The following FAAP20 variants were observed in gnomAD, a reference collection of about 807,000 sequenced individuals.
The protein encoded by FAAP20 is FA core complex associated protein 20.
In FAAP20, 12 loss-of-function variants were observed where a neutral mutation model predicts 16.2. The ratio of observed to expected loss-of-function variants is 0.74; its 90% CI spans 0.48 to 1.20. FAAP20 has a LOEUF of 1.20. Among genes scored for constraint, FAAP20 ranks in the 50% most tolerant of loss-of-function variants. The pLI is 0.00. For missense variants in FAAP20, 288 were observed against 245.8 expected (o/e 1.17, Z -1.15); for synonymous variants, 141 against 110.7 (o/e 1.27, Z -1.72).
chr1:2,196,231 T>C (rs1688817119), upstream of FAAP20, among the ~76,000 whole-genome samples: 2 of 152,162 alleles, frequency 1.3e-5, no homozygotes, highest in Admixed American at 1.3e-4. This position sits in a 1 kb window ranked among gnomAD's most constrained non-coding sequence, Gnocchi z 4.5. Flanking sequence ...CAGGAGGGCC[T>C]TGGGTACTTC....
chr1:2,190,188 G>A (rs753171970), intron 3 of FAAP20: 2 of 471,810 alleles, frequency 4.2e-6, no homozygotes, highest in South Asian at 1.5e-5. Context: ...ACAGGAGGCA[G>A]AAGAGTAAAC....
downstream of FAAP20, among the ~76,000 whole-genome samples, chr1:2,207,965 C>T (rs565855470): frequency 2.0e-5 from 3 of 150,476 alleles, no homozygotes; most frequent in Non-Finnish European, 3.0e-5. Flanking sequence ...TCCGTGCGCG[C>T]GCGCATGCGT....
At chr1:2,198,648 G>A, upstream of FAAP20, 2 of 1,204,870 alleles carry the variant, frequency 1.7e-6, no homozygotes, top group East Asian at 5.8e-5. Context: ...GAGACCTGTG[G>A]CCGACAGGCA....
intron 3 of FAAP20, chr1:2,192,538 CG>C: frequency 2.0e-6 from 2 of 1,006,422 alleles, no homozygotes; most frequent in Non-Finnish European, 2.4e-6. Context: ...CCCCGGGGGG[CG>C]GGGGGCAGCA....
downstream of FAAP20, chr1:2,185,355 G>A (rs746976501): frequency 3.1e-5 from 22 of 718,842 alleles, no homozygotes; most frequent in African/African-American, 8.7e-5. Flanking sequence ...GAAAGTGAGC[G>A]TGTAGCGTCC....
chr1:2,194,503 C>G (rs71511332), intron 1 of FAAP20, among the ~76,000 whole-genome samples, 185 bp downstream of exon 1: 54,799 of 99,102 alleles, frequency 0.55, 12,286 homozygotes, highest in African/African-American at 0.66. Flanking sequence ...GGAAGCTCGG[C>G]GTGGGGTGGG....
chr1:2,194,732 C>A lies in FAAP20; in HGVS notation c.18G>T (p.Arg6Ser). The A allele has an allele frequency of 8.4e-7, 1 of 1,194,554 alleles. No individual in the cohort carries two copies. The highest frequency in any genetic ancestry group is 1.0e-6 in the Non-Finnish European group (1 of 965,876). 74.0% of individuals were successfully genotyped at this position (1,194,554 alleles called of 1,614,324 possible). A position where few individuals can be genotyped will look rare whatever the true frequency, so the allele number is the denominator to read the frequency against. The part of the protein sequence containing the change: MEAAR[R>S]PRLGLSRRRP... ...TCCGGCGGCTCAACCCCAGCCGCGG[C>A]CTCCGCGCCGCCTCCATCCAAGCCC... is the stretch of plus-strand genomic sequence containing the variant. The change falls in exon 1 of 4, where the codon AGG becomes AGT. Residue 6 changes from arginine to serine, a missense_variant. Arg to Ser is a moderately radical substitution (Grantham distance 110). Coordinates refer to ENST00000378546, the MANE Select transcript of FAAP20 (RefSeq NM_182533.4).
At chr1:2,203,749 C>T (rs1569581025), upstream of FAAP20, 9 of 621,582 alleles carry the variant, frequency 1.4e-5, no homozygotes, top group Non-Finnish European at 1.8e-5. Context: ...CAGGGCACCA[C>T]ACTACTTGCC....
downstream of FAAP20, chr1:2,189,455 G>C: frequency 1.8e-6 from 1 of 554,236 alleles, no homozygotes; most frequent in Non-Finnish European, 3.3e-6. Flanking sequence ...CAGGGGAAAG[G>C]GGTCAGCTTC....
At chr1:2,194,587 C>T (rs1318498066) in intron 1 of FAAP20, 101 bp downstream of exon 1, 2 of 563,786 alleles carry the variant, frequency 3.5e-6, no homozygotes, top group Middle Eastern at 6.4e-4. Flanking sequence ...GGGCAGGGAG[C>T]CCTCCCCAGG....
At chr1:2,201,007 T>A, upstream of FAAP20, 1 of 1,262,682 alleles carries the variant, frequency 7.9e-7, no homozygotes, top group Non-Finnish European at 1.0e-6. Context: ...TGTCCTGAGA[T>A]GAGATGCTGC....
At chr1:2,205,005 C>T (rs1421747068) in intron 3 of FAAP20, among the ~76,000 whole-genome samples, 3 of 106,864 alleles carry the variant, frequency 2.8e-5, no homozygotes, top group Non-Finnish European at 6.0e-5. Context: ...CCCCGCCCCT[C>T]CCTCCGGGCT....
chr1:2,187,075 G>A (rs952403157), downstream of FAAP20: 8 of 422,780 alleles, frequency 1.9e-5, no homozygotes, highest in Non-Finnish European at 3.4e-5. Context: ...TGACTTGGGG[G>A]CTGCACAGTG....
chr1:2,191,827 C>T (rs1252646349), intron 3 of FAAP20: 4 of 985,302 alleles, frequency 4.1e-6, no homozygotes, highest in Non-Finnish European at 3.6e-6. Context: ...AACATCCTCA[C>T]CCCTCACCAG....
chr1:2,201,538 A>G (rs2100736921), upstream of FAAP20, among the ~76,000 whole-genome samples: 1 of 152,216 alleles, frequency 6.6e-6, no homozygotes, highest in South Asian at 2.1e-4. Flanking sequence ...CCTGACCAAT[A>G]TGGTAAAACC....
At chr1:2,209,255 T>C (rs1450285251), downstream of FAAP20, among the ~76,000 whole-genome samples, 2 of 151,964 alleles carry the variant, frequency 1.3e-5, no homozygotes, top group East Asian at 3.9e-4. Flanking sequence ...CCCCGAAAGC[T>C]TATCCCACAC....
At chr1:2,205,418 C>T (rs921266159) in intron 3 of FAAP20, among the ~76,000 whole-genome samples, 1 of 150,482 alleles carries the variant, frequency 6.6e-6, no homozygotes, top group African/African-American at 2.4e-5. Flanking sequence ...CGAGGGGAGC[C>T]TGTCCCAGCC....
chr1:2,190,159 AGCCGCCGCG>A, intron 3 of FAAP20: 1 of 493,016 alleles, frequency 2.0e-6, no homozygotes, highest in Non-Finnish European at 4.0e-6. Flanking sequence ...TGCCAGGGAG[AGCCGCCGCG>A]GCTGCGTCTA....
At chr1:2,199,727 G>A (rs1282936956), upstream of FAAP20, 1 of 780,106 alleles carries the variant, frequency 1.3e-6, no homozygotes, top group East Asian at 1.3e-4. The surrounding 1 kb of genome is among the most constrained non-coding windows in gnomAD (Gnocchi z 4.5). Flanking sequence ...AAACCAGGAT[G>A]AGGCGATACT....
Sources: allele counts gnomAD v4.1 joint callset (sites outside exome capture counted in the v4.1 genomes callset), GRCh38; gene constraint gnomAD v4.1.1; non-coding constraint Gnocchi (gnomAD v3.1); transcripts MANE v1.5; gene names NCBI Gene and HGNC (gene_info 2026-07-23, HGNC 2026-07-21).